The following ATP1A3 variants were observed in gnomAD, a reference collection of about 807,000 sequenced individuals.
The protein encoded by ATP1A3 is ATPase Na+/K+ transporting subunit alpha 3, also known as sodium/potassium-transporting ATPase subunit alpha-3.
A neutral mutation model predicts 108.8 loss-of-function variants in ATP1A3; 12 were observed. The observed-to-expected ratio is 0.11, with a 90% CI of 0.07 to 0.18. ATP1A3 has a LOEUF of 0.18. ATP1A3 is among the 10% of genes least tolerant of loss of function. ATP1A3 has a pLI of 1.00. For synonymous variants in ATP1A3, 539 were observed against 564.5 expected (o/e 0.95, Z 0.64); for missense variants, 498 against 1,387.7 (o/e 0.36, Z 10.19).
Position 41,985,557 on chromosome 19 carries a change from GGT to G in ATP1A3, c.607-136_607-135del. The G allele has an allele frequency of 1.0e-6, 1 of 960,538 alleles. No homozygotes were observed. Among genetic ancestry groups the G allele is most frequent in the Non-Finnish European group, 1.6e-6 (1 of 611,778 alleles). The allele number at this position is 960,538 out of a possible 1,614,324, so 59.5% of individuals were successfully genotyped here. On this transcript the variant is annotated intron_variant, in intron 6 of 22. Coordinates refer to ENST00000648268, the MANE Select transcript of ATP1A3 (RefSeq NM_152296.5). This position sits in a 1 kb window ranked among gnomAD's most constrained non-coding sequence, Gnocchi z 8.2. ...AAGCCTGGGTGCCCAGTGGGTGAGT[GGT>G]GTGTGGGAGGCCAGAGGCTGGGATC...
chr19:41,988,143 A>C lies in ATP1A3; in HGVS notation c.154-4T>G. The C allele has an allele frequency of 6.2e-7, 1 of 1,614,084 alleles. No individual in the cohort carries two copies. The highest frequency in any genetic ancestry group is 8.5e-7 in the Non-Finnish European group (1 of 1,180,012). On this transcript the variant is annotated splice_region_variant and splice_polypyrimidine_tract_variant and intron_variant, in intron 3 of 22. Coordinates refer to ENST00000648268, the MANE Select transcript of ATP1A3 (RefSeq NM_152296.5). This position sits in a 1 kb window ranked among gnomAD's most constrained non-coding sequence, Gnocchi z 5.3. ...GGGCTTTGCTGTGGGTCAAACCCTG[A>C]GGGACAGAGGACTCACACAGAACCC...
chr19:41,977,643 G>T (rs1353174579), intron 14 of ATP1A3, among the ~76,000 whole-genome samples: 2 of 152,176 alleles, frequency 1.3e-5, no homozygotes, highest in African/African-American at 4.8e-5. Flanking sequence ...AGGCTGCAGT[G>T]AGCTGAGGTT....
In ATP1A3 at chr19:41,985,436, G is replaced by A; in HGVS notation, c.607-13C>T. 1 of 1,609,488 alleles carries A rather than the reference G, an allele frequency of 6.2e-7. No homozygotes were observed. Among genetic ancestry groups the A allele is most frequent in the Non-Finnish European group, 8.5e-7 (1 of 1,175,750 alleles). ...AGGAGTTGTCCACCTGGGGGTAGGT[G>A]CAGCAGAGAGAGGGTTCAGTCCAGG... On this transcript the variant is annotated splice_polypyrimidine_tract_variant and intron_variant, in intron 6 of 22. Coordinates refer to ENST00000648268, the MANE Select transcript of ATP1A3 (RefSeq NM_152296.5). The surrounding 1 kb of genome is among the most constrained non-coding windows in gnomAD (Gnocchi z 8.2).
intron 16 of ATP1A3, among the ~76,000 whole-genome samples, chr19:41,973,561 C>A (rs375172435): frequency 6.6e-6 from 1 of 152,194 alleles, no homozygotes; most frequent in Non-Finnish European, 1.5e-5. Context: ...TGGCCCCTGA[C>A]GGAAGTTAGG....
chr19:41,970,599 G>A, intron 16 of ATP1A3, 57 bp from the exon 17 acceptor site: 1 of 1,551,420 alleles, frequency 6.4e-7, no homozygotes, highest in East Asian at 2.3e-5. Context: ...CACTCCCTCT[G>A]CCCCTCCTCT....
chr19:41,987,634 G>T (rs555741466), intron 4 of ATP1A3, among the ~76,000 whole-genome samples: 1 of 152,202 alleles, frequency 6.6e-6, no homozygotes, highest in South Asian at 2.1e-4. Context: ...ACTCACTCTG[G>T]GTATCTGTCA....
chr19:41,973,432 T>G (rs1357158600), intron 16 of ATP1A3, among the ~76,000 whole-genome samples: 1 of 152,172 alleles, frequency 6.6e-6, no homozygotes, highest in African/African-American at 2.4e-5. Context: ...ATTTTTAAAA[T>G]TTTTTGATCT....
In ATP1A3 at chr19:41,968,813, TC is replaced by T; in HGVS notation, c.2790del (p.Arg931GlyfsTer9). 1 of 1,614,022 alleles carries T rather than the reference TC, an allele frequency of 6.2e-7. No homozygotes were observed. Among genetic ancestry groups the T allele is most frequent in the Non-Finnish European group, 8.5e-7 (1 of 1,179,940 alleles). Reference sequence around the variant, plus strand: ...ATGCCCTGCTGGAAGACCGAGTTCCTCCGGGTCTTGCAGATGATCAGATCGG... The same window carrying T: ...ATGCCCTGCTGGAAGACCGAGTTCCTCGGGTCTTGCAGATGATCAGATCGG... ...QWADLIICKT[R>X]RNSVFQQGMK... On this transcript the variant is annotated frameshift_variant, in exon 20 of 23. Transcript: ENST00000648268. LOFTEE classifies it high-confidence loss of function. This position sits in a 1 kb window ranked among gnomAD's most constrained non-coding sequence, Gnocchi z 5.0.
chr19:41,970,822 C>T (rs782613706), intron 16 of ATP1A3, among the ~76,000 whole-genome samples: 25 of 150,922 alleles, frequency 1.7e-4, no homozygotes, highest in Non-Finnish European at 3.0e-5. Context: ...TTATTAGAGA[C>T]GGGGTTTCAC....
chr19:41,968,974 C>A lies in ATP1A3; in HGVS notation c.2689-59G>T. ...GTTAGTGGCACTGCAGCCCTAGCCG[C>A]CACCCCGACGTTCCGGTGCTCTTTG... On this transcript the variant is annotated intron_variant, in intron 19 of 22. Transcript: ENST00000648268. This position sits in a 1 kb window ranked among gnomAD's most constrained non-coding sequence, Gnocchi z 5.0. 6.2e-7 allele frequency: 1 copy of A among 1,610,962 alleles called. No homozygotes were observed. The highest frequency in any genetic ancestry group is 8.5e-7 in the Non-Finnish European group (1 of 1,178,708).
At position 41,988,144 on chromosome 19, in the gene ATP1A3, G is replaced by C. The variant is rs191645384; in HGVS notation, c.154-5C>G. On this transcript the variant is annotated splice_region_variant and splice_polypyrimidine_tract_variant and intron_variant, in intron 3 of 22. Coordinates refer to ENST00000648268, the MANE Select transcript of ATP1A3 (RefSeq NM_152296.5). The surrounding 1 kb of genome is among the most constrained non-coding windows in gnomAD (Gnocchi z 5.3). ...GGCTTTGCTGTGGGTCAAACCCTGA[G>C]GGACAGAGGACTCACACAGAACCCT... 3.5e-3 allele frequency: 5,644 copies of C among 1,614,112 alleles called. 33 individuals are homozygous for C. Among genetic ancestry groups the C allele is most frequent in the South Asian group, 0.016 (1,459 of 91,088 alleles).
rs879952409 is a variant in ATP1A3 at position 41,969,472 on chromosome 19, G to A, written c.2651C>T (p.Thr884Ile). 1 of 1,614,164 alleles carries A rather than the reference G, an allele frequency of 6.2e-7. No individual in the cohort carries two copies. Among genetic ancestry groups the A allele is most frequent in the Non-Finnish European group, 8.5e-7 (1 of 1,180,028 alleles). Reference sequence around the variant, plus strand: ...GTAACTGTCTTCCAGGTCATTGACGGTGCGGTCATCCCAGTTCAGCCGGAT... The same window carrying A: ...GTAACTGTCTTCCAGGTCATTGACGATGCGGTCATCCCAGTTCAGCCGGAT... ...VGIRLNWDDR[T>I]VNDLEDSYGQ... The change falls in exon 19 of 23, where the codon ACC (threonine) becomes ATC (isoleucine). Residue 884 changes from threonine to isoleucine, a missense_variant. Around this residue, in one of 9 missense-constraint regions of ATP1A3, gnomAD observed 121 missense variants for 425.1 expected, o/e 0.28. Transcript: ENST00000648268.
chr19:41,974,190 G>A (rs781935767), intron 16 of ATP1A3, among the ~76,000 whole-genome samples: 139 of 152,068 alleles, frequency 9.1e-4, no homozygotes, highest in Admixed American at 1.5e-3. Context: ...GAGATTGCAT[G>A]CCTGTACTCC....
In ATP1A3 at chr19:41,988,450, G is replaced by T. The variant is rs782163883; in HGVS notation, c.93+26C>A. The stretch of plus-strand genomic sequence containing the variant: ...AGAACTGGCGAGGTTCTCTGGGAGG[G>T]TGTGCGGGCAGAGGGCGAGGCTTAC... On this transcript the variant is annotated intron_variant, in intron 2 of 22. Coordinates refer to ENST00000648268, the MANE Select transcript of ATP1A3 (RefSeq NM_152296.5). This position sits in a 1 kb window ranked among gnomAD's most constrained non-coding sequence, Gnocchi z 5.3. 2.2e-5 allele frequency: 35 copies of T among 1,614,108 alleles called. No individual in the cohort carries two copies. The highest frequency in any genetic ancestry group is 2.8e-5 in the Non-Finnish European group (33 of 1,180,044).
In ATP1A3 at chr19:41,988,324, A is replaced by G. The variant is rs376960579; in HGVS notation, c.147T>C (p.Cys49=). ...GCCCACAGCCTGGCCACACCTGCAC[A>G]CAGTCTGTGTTGTATTTCCGGCAGA... ...EEVCRKYNTD[C]VQGLTHSKAQ... The change falls in exon 3 of 23, where the codon TGT becomes TGC. Residue 49 remains cysteine, a synonymous_variant. Coordinates refer to ENST00000648268, the MANE Select transcript of ATP1A3 (RefSeq NM_152296.5). The surrounding 1 kb of genome is among the most constrained non-coding windows in gnomAD (Gnocchi z 5.3). 8.6e-5 allele frequency: 139 copies of G among 1,613,974 alleles called. 2 individuals are homozygous for G. In the East Asian group the frequency reaches 1.4e-3, roughly 16 times the overall value.
rs146606627 is a variant in ATP1A3, at chr19:41,978,736, G to T, written c.1500C>A (p.Ala500=). The T allele has an allele frequency of 4.3e-6, 7 of 1,613,966 alleles. No homozygotes were observed. In the African/African-American group the frequency reaches 6.7e-5, roughly 15 times the overall value. ...AGCAGCGGTCCAGGATGCGCTCGGG[G>T]GCACCCTTCATCACCAGCAGGTATC... ...DNRYLLVMKG[A]PERILDRCST... Residue 500 remains alanine (A), a synonymous_variant, in exon 12 of 23, where the codon GCC becomes GCA. Coordinates refer to ENST00000648268, the MANE Select transcript of ATP1A3 (RefSeq NM_152296.5). The surrounding 1 kb of genome is among the most constrained non-coding windows in gnomAD (Gnocchi z 8.3).
At position 41,968,001 on chromosome 19, in the gene ATP1A3, GAGAC is replaced by G. The variant is rs2075062532; in HGVS notation, c.2820-242_2820-239del. Among the ~76,000 whole-genome samples, 1 of 149,542 alleles carries G rather than the reference GAGAC, an allele frequency of 6.7e-6. No individual in the cohort carries two copies. Among genetic ancestry groups the G allele is most frequent in the Admixed American group, 6.7e-5 (1 of 14,824 alleles). On this transcript the variant is annotated intron_variant, in intron 20 of 22. Coordinates refer to ENST00000648268, the MANE Select transcript of ATP1A3 (RefSeq NM_152296.5). This position sits in a 1 kb window ranked among gnomAD's most constrained non-coding sequence, Gnocchi z 5.0. ...GAGACAAAAGACAGGGACAGACACA[GAGAC>G]AGGGACAGACACAGAGACAGACAGG... is the stretch of plus-strand genomic sequence containing the variant.
intron 16 of ATP1A3, among the ~76,000 whole-genome samples, chr19:41,972,859 AAAGAAG>A (rs1555860225): frequency 7.5e-6 from 1 of 132,736 alleles, no homozygotes; most frequent in Non-Finnish European, 1.6e-5. Flanking sequence ...GGAAGGAAGG[AAAGAAG>A]GAAGGAAGGC....
At position 41,978,256 on chromosome 19, in the gene ATP1A3, G is replaced by A; in HGVS notation, c.1701C>T (p.Asn567=). 2 of 1,613,924 alleles carry A rather than the reference G, an allele frequency of 1.2e-6. No homozygotes were observed. The highest frequency in any genetic ancestry group is 1.7e-6 in the Non-Finnish European group (2 of 1,179,896). ...CAAAGCAGAGGTTGTCCGTGGTGAA[G>A]TTCACGTCATCACAGTCGAAGGCAA... ...KGFAFDCDDV[N]FTTDNLCFVG... is the part of the protein sequence containing the mutation. Residue 567 remains asparagine (N), a synonymous_variant, in exon 13 of 23, where the codon AAC becomes AAT. Coordinates refer to ENST00000648268, the MANE Select transcript of ATP1A3 (RefSeq NM_152296.5). The surrounding 1 kb of genome is among the most constrained non-coding windows in gnomAD (Gnocchi z 8.3).
Sources: gnomAD v4.1 joint callset for allele counts (sites outside exome capture counted in the v4.1 genomes callset) on GRCh38, gnomAD v4.1.1 for gene constraint, gnomAD v4.1.1 regional missense constraint, Gnocchi (gnomAD v3.1) non-coding constraint, MANE v1.5 for transcripts, NCBI Gene and HGNC (gene_info 2026-07-23, HGNC 2026-07-21) for gene names.